Variants in TBX19 observed in about 807,000 individuals in gnomAD.
TBX19 encodes the protein T-box transcription factor 19, also known as T-box transcription factor TBX19.
A neutral mutation model predicts 40.9 loss-of-function variants in TBX19; 33 were observed. The observed-to-expected ratio is 0.81, with a 90% CI of 0.61 to 1.08. TBX19 has a LOEUF of 1.08. Ranked by LOEUF, TBX19 falls within the 50% of genes least tolerant of loss-of-function variation. The probability of loss-of-function intolerance (pLI) is 0.00; values close to 1 mark genes in which losing one functional copy is unlikely to be tolerated. For missense variants in TBX19, 494 were observed against 574.0 expected (o/e 0.86, Z 1.42); for synonymous variants, 220 against 225.0 (o/e 0.98, Z 0.20).
intron 1 of TBX19, among the ~76,000 whole-genome samples, chr1:168,282,104 A>G (rs933518210): frequency 6.6e-6 from 1 of 152,212 alleles, no homozygotes; most frequent in Non-Finnish European, 1.5e-5. Context: ...TGGCTCCAAC[A>G]TTCAGCTGGT....
rs187635538 is a variant in TBX19, at chr1:168,297,982, A to G, written c.665+197A>G. 3.6e-4 allele frequency among the ~76,000 whole-genome samples: 55 copies of G among 152,176 alleles called. 1 individual carries two copies. Among genetic ancestry groups the G allele is most frequent in the African/African-American group, 1.3e-3 (52 of 41,514 alleles). On this transcript the variant is annotated intron_variant, in intron 4 of 7. Transcript: ENST00000367821. ...GAGGCCGAGGCGGGCAGATTACGAGATCAGGAGATCGAGACCATCCTGGCT... is the reference window on the plus strand; with the variant it reads ...GAGGCCGAGGCGGGCAGATTACGAGGTCAGGAGATCGAGACCATCCTGGCT...
At chr1:168,305,389 A>G (rs1649376420) in intron 6 of TBX19, among the ~76,000 whole-genome samples, 193 bp downstream of exon 6, 1 of 110,296 alleles carries the variant, frequency 9.1e-6, no homozygotes, top group South Asian at 3.0e-4. Context: ...ACTAGGTATA[A>G]CAATCTTAGT....
At chr1:168,309,337 C>T (rs951851827) in intron 7 of TBX19, among the ~76,000 whole-genome samples, 1 of 152,168 alleles carries the variant, frequency 6.6e-6, no homozygotes, top group Non-Finnish European at 1.5e-5. Context: ...TGCGCCATTG[C>T]ACTCCAGCTT....
chr1:168,305,453 C>T (rs6427122), intron 6 of TBX19, among the ~76,000 whole-genome samples: 106,195 of 152,090 alleles, frequency 0.7, 37,359 homozygotes, highest in Non-Finnish European at 0.73. Flanking sequence ...TTCTAATGAG[C>T]GTGAAAGGCC....
intron 7 of TBX19, 38 bp downstream of exon 7, chr1:168,308,915 T>TG: frequency 6.2e-7 from 1 of 1,613,994 alleles, no homozygotes; most frequent in Middle Eastern, 1.7e-4. Flanking sequence ...TTGGTCGTCT[T>TG]GGGGGTTTAC....
chr1:168,293,056 T>A, intron 2 of TBX19, 88 bp from the exon 3 acceptor site: 1 of 1,593,890 alleles, frequency 6.3e-7, no homozygotes, highest in Non-Finnish European at 8.5e-7. Flanking sequence ...GTGCTAAGCT[T>A]GGGACCAACT....
rs886045508 is a variant in TBX19, at chr1:168,281,129, T to G, written c.39T>G (p.Asp13Glu). 5.0e-6 allele frequency: 8 copies of G among 1,614,032 alleles called. No homozygotes were observed. The highest frequency in any genetic ancestry group is 6.8e-6 in the Non-Finnish European group (8 of 1,180,012). ...AGCTGGGCACTCGGAAGCCCAGCGA[T>G]GGCACTGTTTCTCATCTGCTCAATG... ...MSELGTRKPS[D>E]GTVSHLLNVV... Residue 13 changes from aspartate (D) to glutamate (E), a missense_variant, in exon 1 of 8, where the codon GAT (aspartate) becomes GAG (glutamate). Around this residue, in one of 3 missense-constraint regions of TBX19, gnomAD observed 201 missense variants for 235.2 expected, o/e 0.85. Transcript: ENST00000367821.
At chr1:168,299,072 C>T (rs1649203580) in intron 4 of TBX19, among the ~76,000 whole-genome samples, 1 of 150,992 alleles carries the variant, frequency 6.6e-6, no homozygotes, top group African/African-American at 2.4e-5. Flanking sequence ...CACCACCATG[C>T]CCAGCTAATT....
chr1:168,282,100 C>T (rs1648669698), intron 1 of TBX19, among the ~76,000 whole-genome samples: 1 of 152,160 alleles, frequency 6.6e-6, no homozygotes, highest in African/African-American at 2.4e-5. Flanking sequence ...AAACTGGCTC[C>T]AACATTCAGC....
intron 4 of TBX19, among the ~76,000 whole-genome samples, chr1:168,298,644 T>C (rs1387440712): frequency 2.6e-5 from 4 of 151,408 alleles, no homozygotes; most frequent in African/African-American, 9.7e-5. Context: ...TTCTTTCCCT[T>C]CTTTCCCTTT....
chr1:168,283,507 A>G (rs543702895), intron 1 of TBX19, among the ~76,000 whole-genome samples: 1 of 152,322 alleles, frequency 6.6e-6, no homozygotes, highest in South Asian at 2.1e-4. Flanking sequence ...TTAAACCATT[A>G]GTCACACTTT....
At chr1:168,287,168 G>A (rs1648824779) in intron 1 of TBX19, among the ~76,000 whole-genome samples, 2 of 152,204 alleles carry the variant, frequency 1.3e-5, no homozygotes, top group Admixed American at 6.5e-5. Context: ...TAACCTATTA[G>A]CAGTGAGGAT....
intron 7 of TBX19, 24 bp downstream of exon 7, chr1:168,308,901 C>T: frequency 1.2e-6 from 2 of 1,614,124 alleles, no homozygotes; most frequent in Non-Finnish European, 1.7e-6. Context: ...CATCAACTCG[C>T]TCATTGGTCG....
intron 3 of TBX19, among the ~76,000 whole-genome samples, chr1:168,297,056 A>C (rs1649127947): frequency 6.6e-6 from 1 of 152,160 alleles, no homozygotes; most frequent in African/African-American, 2.4e-5. Context: ...ATGAAAAATA[A>C]ATATTTCTTT....
chr1:168,297,245 AG>A (rs901871844), intron 3 of TBX19, among the ~76,000 whole-genome samples: 3 of 152,190 alleles, frequency 2.0e-5, no homozygotes, highest in African/African-American at 7.2e-5. Context: ...TTTATGAATG[AG>A]GGACTCGATG....
rs370830294 is a variant in TBX19, at chr1:168,285,045, C to T, written c.203+3752C>T. Among the ~76,000 whole-genome samples the T allele has an allele frequency of 4.6e-5, 7 of 152,222 alleles. No individual in the cohort carries two copies. The East Asian group carries it at 1.2e-3, about 25-fold the overall frequency. On this transcript the variant is annotated intron_variant, in intron 1 of 7. Coordinates refer to ENST00000367821, the MANE Select transcript of TBX19 (RefSeq NM_005149.3). ...GTTGCACATCAGGCCAATACATTTC[C>T]ATGTCCCTACAGCCCATGGGTATTT... is the stretch of plus-strand genomic sequence containing the variant.
Position 168,284,216 on chromosome 1 carries a change from T to A in TBX19, c.203+2923T>A, listed in dbSNP as rs541193625. On this transcript the variant is annotated intron_variant, in intron 1 of 7. Coordinates refer to ENST00000367821, the MANE Select transcript of TBX19 (RefSeq NM_005149.3). ...TTGAAAACTTTCAGTTATTCATAGT[T>A]AATAGTCCTTTAGATATAACAGTAA... Among the ~76,000 whole-genome samples, 17 of 152,316 alleles carry A rather than the reference T, an allele frequency of 1.1e-4. No individual in the cohort carries two copies. The South Asian group carries it at 3.5e-3, about 32-fold the overall frequency.
intron 4 of TBX19, among the ~76,000 whole-genome samples, chr1:168,298,794 T>C (rs1572479009): frequency 8.8e-5 from 1 of 11,422 alleles, no homozygotes; most frequent in Non-Finnish European, 1.8e-4. Context: ...CCTCCTCTCC[T>C]CTCCTCCCCT....
chr1:168,303,205 C>T (rs772654316), intron 5 of TBX19, among the ~76,000 whole-genome samples: 23 of 152,248 alleles, frequency 1.5e-4, no homozygotes, highest in South Asian at 8.3e-4. Context: ...CACTACCCCA[C>T]GACAGGTCCT....
Sources: gnomAD v4.1 joint callset for allele counts (sites outside exome capture counted in the v4.1 genomes callset) on GRCh38, gnomAD v4.1.1 for gene constraint, gnomAD v4.1.1 regional missense constraint, MANE v1.5 for transcripts, NCBI Gene and HGNC (gene_info 2026-07-23, HGNC 2026-07-21) for gene names.